The following NCALD variants were observed in gnomAD, a reference collection of about 807,000 sequenced individuals.
NCALD encodes the protein neurocalcin-delta.
In NCALD, 10 loss-of-function variants were observed where a neutral mutation model predicts 18.6. That is an observed-to-expected ratio of 0.54 (90% CI 0.33 to 0.91). NCALD has a LOEUF of 0.91. Among genes scored for constraint, NCALD ranks in the 40% least tolerant of loss-of-function variants. NCALD has a pLI of 0.03. For missense variants in NCALD, 184 were observed against 247.6 expected, an observed-to-expected ratio of 0.74 and a Z score of 1.72; for synonymous variants, 88 against 87.4, an observed-to-expected ratio of 1.01 and a Z score of -0.04.
At chr8:102,076,988 C>A (rs1824368788) in intron 1 of NCALD, among the ~76,000 whole-genome samples, 1 of 152,162 alleles carries the variant, frequency 6.6e-6, no homozygotes, top group Non-Finnish European at 1.5e-5. Context: ...CAGAATGAAG[C>A]AATGCTATAT....
At chr8:102,030,806 G>C (rs1341992116) in intron 1 of NCALD, among the ~76,000 whole-genome samples, 1 of 152,100 alleles carries the variant, frequency 6.6e-6, no homozygotes, top group Non-Finnish European at 1.5e-5. Context: ...AACCCACGAG[G>C]TGGAGGTTGT....
intron 3 of NCALD, chr8:101,692,388 C>T (rs992448072): frequency 2.6e-5 from 26 of 985,242 alleles, no homozygotes; most frequent in South Asian, 4.7e-5. Flanking sequence ...TGAAAGCTGT[C>T]GGCATCTGGG....
intron 4 of NCALD, among the ~76,000 whole-genome samples, chr8:101,871,620 A>AT (rs1563844167): frequency 6.7e-6 from 1 of 150,018 alleles, no homozygotes; most frequent in African/African-American, 2.5e-5. Context: ...GCTGGTTTTA[A>AT]TTTTTTTAGA....
rs1814610913 is a variant in NCALD, at chr8:101,689,396, GGA to G, written c.493_494del (p.Ser165ProfsTer50). 1 of 1,606,386 alleles carries G rather than the reference GGA, an allele frequency of 6.2e-7. No individual in the cohort carries two copies. Among genetic ancestry groups the G allele is most frequent in the Non-Finnish European group, 8.5e-7 (1 of 1,176,528 alleles). ...QMDTNRDGKLSLEEFIRGAKS... is the reference protein window; with the variant it reads ...QMDTNRDGKLXLEEFIRGAKS... Reference sequence around the variant, plus strand: ...TGGCTCCTCGGATGAACTCTTCCAGGGAGAGTTTTCCTAGGAAGCAAGAGGAC... The same window carrying G: ...TGGCTCCTCGGATGAACTCTTCCAGGGAGTTTTCCTAGGAAGCAAGAGGAC... On this transcript the variant is annotated frameshift_variant, in exon 4 of 4. Transcript: ENST00000220931. LOFTEE classifies it high-confidence loss of function. This position sits in a 1 kb window ranked among gnomAD's most constrained non-coding sequence, Gnocchi z 4.4.
chr8:101,871,600 C>T (rs1256022411), intron 4 of NCALD, among the ~76,000 whole-genome samples: 3 of 141,530 alleles, frequency 2.1e-5, no homozygotes, highest in Non-Finnish European at 4.5e-5. Context: ...TTTTTTTTGC[C>T]ATACCAATAG....
rs114854604 is a variant in NCALD, at chr8:102,032,378, G to T, written c.-209-12089C>A. Reference sequence around the variant, plus strand: ...AAAGACTTGGATATGTTTTGCATATGATACTCCATTGTATAGCAGCAACAG... The same window carrying T: ...AAAGACTTGGATATGTTTTGCATATTATACTCCATTGTATAGCAGCAACAG... On this transcript the variant is annotated intron_variant, in intron 1 of 6. Transcript: ENST00000311028. Among the ~76,000 whole-genome samples, 612 of 152,216 alleles carry T rather than the reference G, an allele frequency of 4.0e-3. 3 individuals carry two copies. Among genetic ancestry groups the T allele is most frequent in the African/African-American group, 0.013 (534 of 41,536 alleles).
At chr8:102,006,114 C>G (rs1158571371) in intron 2 of NCALD, among the ~76,000 whole-genome samples, 2 of 151,836 alleles carry the variant, frequency 1.3e-5, no homozygotes, top group East Asian at 3.9e-4. Flanking sequence ...ATATGTCGCT[C>G]TCAAAATCCA....
In NCALD at chr8:101,824,002, T is replaced by C. The variant is rs137891710; in HGVS notation, c.-20+63139A>G. Reference sequence around the variant, plus strand: ...TTGATCAACTGTCAAAAGGAAACAATGCAAACGCTACAATTATCCTGAACA... The same window carrying C: ...TTGATCAACTGTCAAAAGGAAACAACGCAAACGCTACAATTATCCTGAACA... On this transcript the variant is annotated intron_variant, in intron 4 of 6. Transcript: ENST00000311028. 5.8e-4 allele frequency among the ~76,000 whole-genome samples: 89 copies of C among 152,314 alleles called. 1 individual carries two copies. In the East Asian group the frequency reaches 0.013, roughly 23 times the overall value.
intron 3 of NCALD, among the ~76,000 whole-genome samples, chr8:101,897,888 C>T (rs1356071690): frequency 6.6e-6 from 1 of 152,114 alleles, no homozygotes; most frequent in Non-Finnish European, 1.5e-5. Context: ...CCCATAATTC[C>T]GTGTTGTAGG....
In NCALD at chr8:102,093,265, T is replaced by G. The variant is rs1426324001; in HGVS notation, c.-210+30972A>C. ...GTGCTCTACAAAGAACTACTCTTTT[T>G]GTTCTTTAAGAGTGACTGTTTTGGG... is the stretch of plus-strand genomic sequence containing the variant. On this transcript the variant is annotated intron_variant, in intron 1 of 6. Coordinates refer to the NCALD transcript ENST00000311028. Among the ~76,000 whole-genome samples the G allele has an allele frequency of 2.6e-5, 4 of 152,328 alleles. No individual in the cohort carries two copies. The South Asian group carries it at 6.2e-4, about 24-fold the overall frequency.
chr8:101,929,081 T>A (rs1818443702), intron 2 of NCALD, among the ~76,000 whole-genome samples: 1 of 151,780 alleles, frequency 6.6e-6, no homozygotes. Context: ...TATGTGATAG[T>A]CGGGCTGTCA....
intron 2 of NCALD, among the ~76,000 whole-genome samples, chr8:101,973,363 C>A (rs1363015849): frequency 2.0e-5 from 3 of 152,034 alleles, no homozygotes; most frequent in Admixed American, 6.6e-5. Flanking sequence ...CATAGGACGG[C>A]CCTCTGTTGC....
chr8:101,923,809 TC>T (rs1818249019), intron 2 of NCALD, among the ~76,000 whole-genome samples: 1 of 152,248 alleles, frequency 6.6e-6, no homozygotes, highest in African/African-American at 2.4e-5. Context: ...TCCCATTTTT[TC>T]CTTTGTTTCA....
At chr8:102,002,114 G>T (rs1424923540) in intron 2 of NCALD, among the ~76,000 whole-genome samples, 3 of 152,172 alleles carry the variant, frequency 2.0e-5, no homozygotes, top group South Asian at 4.1e-4. Context: ...CCATCAGTGT[G>T]CTGTATTCAG....
chr8:101,704,888 C>CA (rs1664056857), intron 2 of NCALD, among the ~76,000 whole-genome samples: 1 of 148,460 alleles, frequency 6.7e-6, no homozygotes, highest in African/African-American at 2.5e-5. Flanking sequence ...CATTGCTTTC[C>CA]AGCCTAGGCG....
chr8:101,968,566 G>A (rs761843614), intron 2 of NCALD, among the ~76,000 whole-genome samples: 1 of 152,108 alleles, frequency 6.6e-6, no homozygotes, highest in Non-Finnish European at 1.5e-5. Context: ...CCTAAGATGG[G>A]TCACAATGCT....
intron 2 of NCALD, among the ~76,000 whole-genome samples, chr8:101,942,488 G>T (rs1818995773): frequency 6.6e-6 from 1 of 152,108 alleles, no homozygotes; most frequent in African/African-American, 2.4e-5. Context: ...AATATACTAG[G>T]AGAACACAGA....
rs13254309 is a variant in NCALD, at chr8:101,935,982, T to C, written c.-156-20124A>G. 4.3e-3 allele frequency among the ~76,000 whole-genome samples: 656 copies of C among 152,024 alleles called. 4 individuals carry two copies. Among genetic ancestry groups the C allele is most frequent in the Admixed American group, 9.9e-3 (151 of 15,278 alleles). On this transcript the variant is annotated intron_variant, in intron 2 of 6. Transcript: ENST00000311028. The stretch of plus-strand genomic sequence containing the variant: ...CTTTAGTAAGAGCAGGGATGATTCA[T>C]CCTAGTTAATAGGAGTGAAGAGTGC...
intron 2 of NCALD, among the ~76,000 whole-genome samples, chr8:101,931,285 T>C (rs569345045): frequency 5.6e-4 from 85 of 152,362 alleles, no homozygotes; most frequent in South Asian, 6.2e-4. Flanking sequence ...AGTTCACTTA[T>C]CATTCATTTG....
Sources: gnomAD v4.1 joint callset for allele counts (sites outside exome capture counted in the v4.1 genomes callset) on GRCh38, gnomAD v4.1.1 for gene constraint, Gnocchi (gnomAD v3.1) non-coding constraint, MANE v1.5 for transcripts, NCBI Gene and HGNC (gene_info 2026-07-23, HGNC 2026-07-21) for gene names.